Variants in PCBP3 observed in about 807,000 individuals in gnomAD.
The protein encoded by PCBP3 is poly(rC) binding protein 3.
Under a neutral mutation model 52.7 loss-of-function variants are expected in PCBP3, and 25 were observed. The observed-to-expected ratio is 0.47, with a 90% CI of 0.35 to 0.66. PCBP3 has a LOEUF of 0.66. Ranked by LOEUF, PCBP3 falls within the 30% of genes least tolerant of loss-of-function variation. The pLI, the probability that PCBP3 is intolerant of heterozygous loss-of-function variation, is 0.01. For synonymous variants in PCBP3, 162 were observed against 183.0 expected (o/e 0.89, Z 0.93); for missense variants, 391 against 490.3 (o/e 0.80, Z 1.91).
chr21:45,702,762 A>G (rs926742117), intron 2 of PCBP3, among the ~76,000 whole-genome samples: 1 of 152,206 alleles, frequency 6.6e-6, no homozygotes, highest in Non-Finnish European at 1.5e-5. Context: ...AGTTTGCCAC[A>G]TCAATGGACT....
intron 9 of PCBP3, among the ~76,000 whole-genome samples, chr21:45,905,273 G>A (rs1183265234): frequency 1.3e-5 from 2 of 152,154 alleles, no homozygotes. Context: ...CACTGGCCTC[G>A]CATCTGCAGT....
At chr21:45,679,112 A>AT (rs1271902185) in intron 2 of PCBP3, among the ~76,000 whole-genome samples, 1 of 112,482 alleles carries the variant, frequency 8.9e-6, no homozygotes, top group Non-Finnish European at 1.9e-5. Context: ...GCAATAAACT[A>AT]TTTTTACTTT....
intron 4 of PCBP3, among the ~76,000 whole-genome samples, chr21:45,833,472 T>C (rs1254955775): frequency 1.3e-5 from 2 of 152,172 alleles, no homozygotes; most frequent in East Asian, 1.9e-4. Flanking sequence ...CTCAGAACTT[T>C]CCCACGTTGG....
intron 3 of PCBP3, among the ~76,000 whole-genome samples, chr21:45,747,611 C>T (rs2087018896): frequency 6.6e-6 from 1 of 152,260 alleles, no homozygotes; most frequent in Non-Finnish European, 1.5e-5. Context: ...CAGGGAAGAC[C>T]TGGAGGTCTT....
intron 4 of PCBP3, among the ~76,000 whole-genome samples, chr21:45,822,249 G>A (rs1419756962): frequency 1.3e-5 from 2 of 152,264 alleles, no homozygotes; most frequent in East Asian, 3.9e-4. Flanking sequence ...GGGGTCCTCA[G>A]CCCCCACTGC....
chr21:45,740,574 TGA>T (rs1371552743), intron 3 of PCBP3, among the ~76,000 whole-genome samples: 1 of 151,852 alleles, frequency 6.6e-6, no homozygotes, highest in Admixed American at 6.6e-5. Flanking sequence ...CCTAGAAAGC[TGA>T]GAGGTGCGTG....
rs1187775376 is a variant in PCBP3, at chr21:45,704,985, C to T, written c.-199-30407C>T. On this transcript the variant is annotated intron_variant, in intron 2 of 17. Transcript: ENST00000681687. The surrounding 1 kb of genome is among the most constrained non-coding windows in gnomAD (Gnocchi z 4.1). ...CAGAGCCCATCTTGGGGAGGTGTGC[C>T]TCTTTTTTCTGGCTTCGGTGTGCTG... is the stretch of plus-strand genomic sequence containing the variant. 1.3e-5 allele frequency among the ~76,000 whole-genome samples: 2 copies of T among 152,168 alleles called. No homozygotes were observed. Among genetic ancestry groups the T allele is most frequent in the African/African-American group, 4.8e-5 (2 of 41,448 alleles).
At chr21:45,771,306 T>A (rs781594478) in intron 4 of PCBP3, among the ~76,000 whole-genome samples, 6 of 152,228 alleles carry the variant, frequency 3.9e-5, no homozygotes, top group South Asian at 2.1e-4. Context: ...CGCATGTTCA[T>A]GATGAGGTCA....
chr21:45,914,242 T>C, intron 12 of PCBP3: 1 of 683,724 alleles, frequency 1.5e-6, no homozygotes, highest in Non-Finnish European at 2.4e-6. Context: ...CACGGAATCA[T>C]GTTCTCCCTC....
In PCBP3 at chr21:45,821,140, C is replaced by T. The variant is rs2093122806; in HGVS notation, c.-125-28821C>T. On this transcript the variant is annotated intron_variant, in intron 4 of 17. Transcript: ENST00000681687. This position sits in a 1 kb window ranked among gnomAD's most constrained non-coding sequence, Gnocchi z 4.4. Reference sequence around the variant, plus strand: ...AGGCAGAATCCTTTCTTGAGAACAGCATCTTTCAACTCTTGACCTGCTCCC... The same window carrying T: ...AGGCAGAATCCTTTCTTGAGAACAGTATCTTTCAACTCTTGACCTGCTCCC... Among the ~76,000 whole-genome samples, 4 of 152,214 alleles carry T rather than the reference C, an allele frequency of 2.6e-5. No individual in the cohort carries two copies. The highest frequency in any genetic ancestry group is 6.5e-5 in the Admixed American group (1 of 15,288).
intron 1 of PCBP3, among the ~76,000 whole-genome samples, chr21:45,644,513 C>CT (rs11419695): frequency 0.54 from 82,240 of 151,654 alleles, 22,744 homozygotes; most frequent in East Asian, 0.82. Context: ...GAGTTTTTTT[C>CT]TTTTTTTTGC....
At chr21:45,932,229 G>A (rs929665389) in intron 15 of PCBP3, among the ~76,000 whole-genome samples, 9 of 148,642 alleles carry the variant, frequency 6.1e-5, no homozygotes, top group African/African-American at 1.5e-4. Flanking sequence ...TGAGATGAAC[G>A]AACACCTGGG....
chr21:45,772,065 A>T (rs2089913811), intron 4 of PCBP3, among the ~76,000 whole-genome samples: 1 of 152,204 alleles, frequency 6.6e-6, no homozygotes, highest in Non-Finnish European at 1.5e-5. Flanking sequence ...ATGTGTAGTG[A>T]TCAAGTCAGG....
chr21:45,795,407 T>C (rs1453352579), intron 4 of PCBP3, among the ~76,000 whole-genome samples: 1 of 152,102 alleles, frequency 6.6e-6, no homozygotes, highest in Admixed American at 6.5e-5. Context: ...TATTTGATTT[T>C]ATAGAAAATC....
rs2093145905 is a variant in PCBP3 at position 45,821,727 on chromosome 21, C to A, written c.-125-28234C>A. ...CCTTCCCTGCTCTTGTCACTTCTTG[C>A]TGGTGCTCTGTGGCTGTCATGCAGA... is the stretch of plus-strand genomic sequence containing the variant. On this transcript the variant is annotated intron_variant, in intron 4 of 17. Coordinates refer to ENST00000681687, the MANE Select transcript of PCBP3 (RefSeq NM_001384156.1). The surrounding 1 kb of genome is among the most constrained non-coding windows in gnomAD (Gnocchi z 4.4). Among the ~76,000 whole-genome samples the A allele has an allele frequency of 6.6e-6, 1 of 152,118 alleles. No homozygotes were observed. The highest frequency in any genetic ancestry group is 1.5e-5 in the Non-Finnish European group (1 of 68,038).
At chr21:45,786,718 G>C (rs1381196926) in intron 4 of PCBP3, among the ~76,000 whole-genome samples, 11 of 152,200 alleles carry the variant, frequency 7.2e-5, no homozygotes, top group Non-Finnish European at 1.5e-4. Flanking sequence ...CTGTTGTTTA[G>C]TAATTGGGAA....
intron 4 of PCBP3, among the ~76,000 whole-genome samples, chr21:45,833,155 G>C (rs1022983851): frequency 5.9e-5 from 9 of 152,232 alleles, no homozygotes; most frequent in African/African-American, 1.9e-4. Context: ...AGCAGACGGA[G>C]ACACGGCCTC....
intron 2 of PCBP3, among the ~76,000 whole-genome samples, chr21:45,682,740 TA>T (rs1373002345): frequency 3.3e-5 from 5 of 151,944 alleles, no homozygotes; most frequent in Admixed American, 6.6e-5. Context: ...AGGAGCAGGC[TA>T]GGGGGAACAG....
At chr21:45,666,789 G>A (rs1054648165) in intron 1 of PCBP3, among the ~76,000 whole-genome samples, 12 of 150,638 alleles carry the variant, frequency 8.0e-5, no homozygotes, top group Middle Eastern at 3.2e-3. Context: ...GTGTAATAGC[G>A]CGATCTCAGC....
Sources: gnomAD v4.1 joint callset for allele counts (sites outside exome capture counted in the v4.1 genomes callset) on GRCh38, gnomAD v4.1.1 for gene constraint, Gnocchi (gnomAD v3.1) non-coding constraint, MANE v1.5 for transcripts, NCBI Gene and HGNC (gene_info 2026-07-23, HGNC 2026-07-21) for gene names.